Variants in INPP5A observed in about 807,000 individuals in gnomAD.
INPP5A encodes inositol polyphosphate-5-phosphatase A, also known as 43 kDa inositol polyphosphate 5-phophatase.
A neutral mutation model predicts 65.2 loss-of-function variants in INPP5A; 14 were observed. The observed-to-expected ratio is 0.21, with a 90% CI of 0.14 to 0.34. The LOEUF is 0.34. Ranked by LOEUF, INPP5A falls within the 10% of genes least tolerant of loss-of-function variation. The pLI is 1.00. For missense variants in INPP5A, 431 were observed against 545.6 expected (o/e 0.79, Z 2.09); for synonymous variants, 207 against 208.3 (o/e 0.99, Z 0.05).
rs1564929084 is a variant in INPP5A, at chr10:132,596,953, A to ACATGTGTGCGTGTGTGCG, written c.76-10960_76-10959insTGTGTGCGTGTGTGCGCA. On this transcript the variant is annotated intron_variant, in intron 1 of 15. Transcript: ENST00000368594. ...TGTGCACGCATGTGTGCGTGTGTGC[A>ACATGTGTGCGTGTGTGCG]CACATGTGTGCGTGTGTGCATGCGT... Among the ~76,000 whole-genome samples the ACATGTGTGCGTGTGTGCG allele has an allele frequency of 9.4e-3, 1,107 of 118,306 alleles. 1 individual carries two copies. Among genetic ancestry groups the ACATGTGTGCGTGTGTGCG allele is most frequent in the South Asian group, 0.015 (53 of 3,572 alleles). 77.6% of individuals were successfully genotyped at this position (118,306 alleles called of 152,430 possible).
chr10:132,613,938 G>A (rs1319187208), intron 2 of INPP5A, among the ~76,000 whole-genome samples: 1 of 152,238 alleles, frequency 6.6e-6, no homozygotes, highest in South Asian at 2.1e-4. Context: ...CCTTGAAGAA[G>A]TGGCTTTTAT....
At position 132,777,740 on chromosome 10, in the gene INPP5A, C is replaced by T. The variant is rs1304089822; in HGVS notation, c.1047C>T (p.Asp349=). 2 of 1,613,002 alleles carry T rather than the reference C, an allele frequency of 1.2e-6. No individual in the cohort carries two copies. Among genetic ancestry groups the T allele is most frequent in the Non-Finnish European group, 1.7e-6 (2 of 1,180,014 alleles). Residue 349 remains aspartate (D), a synonymous_variant, in exon 13 of 16, where the codon GAC becomes GAT. Transcript: ENST00000368594. The part of the protein sequence containing the change: ...YMNTRCPAWC[D]RILMSPSAKE... Reference sequence around the variant, plus strand: ...ACACCCGGTGCCCAGCCTGGTGTGACCGCATCCTCATGTCCCCGTCTGCCA... The same window carrying T: ...ACACCCGGTGCCCAGCCTGGTGTGATCGCATCCTCATGTCCCCGTCTGCCA...
intron 1 of INPP5A, among the ~76,000 whole-genome samples, chr10:132,571,629 T>C (rs2071342473): frequency 6.6e-6 from 1 of 152,258 alleles, no homozygotes; most frequent in South Asian, 2.1e-4. Context: ...TCTCTAGGTA[T>C]GTCAGCCCTG....
intron 4 of INPP5A, among the ~76,000 whole-genome samples, chr10:132,653,707 C>T (rs1331931726): frequency 6.6e-6 from 1 of 152,096 alleles, no homozygotes; most frequent in African/African-American, 2.4e-5. Context: ...GTTAATAATC[C>T]CAAGTCAAAG....
chr10:132,575,579 C>A lies in INPP5A; in HGVS notation c.76-32336C>A, dbSNP rs1355284015. 6.6e-6 allele frequency among the ~76,000 whole-genome samples: 1 copy of A among 152,206 alleles called. No homozygotes were observed. The highest frequency in any genetic ancestry group is 2.4e-5 in the African/African-American group (1 of 41,452). ...CCTACTTCCCTAACCCAACCACAAG[C>A]AGCGGAGCCAGTTATTTCTTGGCTT... On this transcript the variant is annotated intron_variant, in intron 1 of 15. Coordinates refer to ENST00000368594, the MANE Select transcript of INPP5A (RefSeq NM_005539.5). This position sits in a 1 kb window ranked among gnomAD's most constrained non-coding sequence, Gnocchi z 5.4.
Position 132,645,983 on chromosome 10 carries a change from A to G in INPP5A, c.218+15A>G. The G allele has an allele frequency of 6.3e-7, 1 of 1,579,378 alleles. No homozygotes were observed. The highest frequency in any genetic ancestry group is 8.7e-7 in the Non-Finnish European group (1 of 1,149,336). The stretch of plus-strand genomic sequence containing the variant: ...AAGTTCGTCAAGTAAGTCTAGGGGC[A>G]GGTGCTGGTGCATGTCCACTTCCCA... On this transcript the variant is annotated intron_variant, in intron 3 of 15. Transcript: ENST00000368594.
rs796375256 is a variant in INPP5A, at chr10:132,753,355, G to A, written c.903+3510G>A. ...CTCCGTCCGCAGGATGGATGTGCCT[G>A]CGCCGGTCGCAGCCCCAAGTCCATT... On this transcript the variant is annotated intron_variant, in intron 11 of 15. Transcript: ENST00000368594. The surrounding 1 kb of genome is among the most constrained non-coding windows in gnomAD (Gnocchi z 5.3). 6.6e-6 allele frequency among the ~76,000 whole-genome samples: 1 copy of A among 152,214 alleles called. No homozygotes were observed. Among genetic ancestry groups the A allele is most frequent in the African/African-American group, 2.4e-5 (1 of 41,464 alleles).
At chr10:132,596,619 A>G (rs1005345626) in intron 1 of INPP5A, among the ~76,000 whole-genome samples, 13 of 152,200 alleles carry the variant, frequency 8.5e-5, no homozygotes, top group African/African-American at 1.2e-4. Context: ...TAGTAGAGAC[A>G]GGGTTTCACT....
chr10:132,764,978 G>A (rs1186792936), intron 11 of INPP5A, among the ~76,000 whole-genome samples: 2 of 138,302 alleles, frequency 1.4e-5, no homozygotes, highest in Admixed American at 7.0e-5. Flanking sequence ...GTCCTGCTGC[G>A]GTGGGAGGGT....
chr10:132,538,037 C>T lies in INPP5A; in HGVS notation c.-60C>T, dbSNP rs1201119758. The T allele has an allele frequency of 4.6e-6, 4 of 865,670 alleles. No individual in the cohort carries two copies. Among genetic ancestry groups the T allele is most frequent in the Non-Finnish European group, 5.6e-6 (4 of 718,380 alleles). The allele number at this position is 865,670 out of a possible 1,614,324, so 53.6% of individuals were successfully genotyped here. On this transcript the variant is annotated 5_prime_UTR_variant, in exon 1 of 16. Transcript: ENST00000368594. The surrounding 1 kb of genome is among the most constrained non-coding windows in gnomAD (Gnocchi z 4.1). ...CCCGCGAAGACCCCGGCCGGCCGGTCCCGGAGGAAGCGGCCGCCGCCGCCG... is the reference window on the plus strand; with the variant it reads ...CCCGCGAAGACCCCGGCCGGCCGGTTCCGGAGGAAGCGGCCGCCGCCGCCG...
At chr10:132,592,182 T>C (rs936549596) in intron 1 of INPP5A, among the ~76,000 whole-genome samples, 3 of 151,936 alleles carry the variant, frequency 2.0e-5, no homozygotes, top group Admixed American at 1.3e-4. Context: ...AGACAGCAAA[T>C]TAAGGAAATG....
At chr10:132,721,873 T>G (rs552621193) in intron 8 of INPP5A, among the ~76,000 whole-genome samples, 23 of 152,292 alleles carry the variant, frequency 1.5e-4, no homozygotes, top group African/African-American at 5.5e-4. Flanking sequence ...AGATTCACCC[T>G]GAGGGCTTGA....
In INPP5A at chr10:132,676,302, G is replaced by A. The variant is rs911060142; in HGVS notation, c.307-14090G>A. On this transcript the variant is annotated intron_variant, in intron 4 of 15. Coordinates refer to ENST00000368594, the MANE Select transcript of INPP5A (RefSeq NM_005539.5). This position sits in a 1 kb window ranked among gnomAD's most constrained non-coding sequence, Gnocchi z 4.0. ...GAAACTAGGTTCCTCACACAGCCTC[G>A]TTTTTCATGAGACCTGCGGAAAGGC... Among the ~76,000 whole-genome samples the A allele has an allele frequency of 6.6e-6, 1 of 152,132 alleles. No individual in the cohort carries two copies. Among genetic ancestry groups the A allele is most frequent in the Non-Finnish European group, 1.5e-5 (1 of 68,030 alleles).
intron 4 of INPP5A, among the ~76,000 whole-genome samples, chr10:132,654,935 A>C (rs984130763): frequency 6.6e-6 from 1 of 152,302 alleles, no homozygotes; most frequent in East Asian, 1.9e-4. Flanking sequence ...TTCCTACCGG[A>C]GATGATCAGA....
chr10:132,685,682 G>C (rs1012740659), intron 4 of INPP5A, among the ~76,000 whole-genome samples: 1 of 152,190 alleles, frequency 6.6e-6, no homozygotes, highest in Non-Finnish European at 1.5e-5. Context: ...GAGTCATCCC[G>C]AGCCTTCCAG....
At chr10:132,569,224 T>C (rs2133281385) in intron 1 of INPP5A, among the ~76,000 whole-genome samples, 1 of 152,270 alleles carries the variant, frequency 6.6e-6, no homozygotes, top group South Asian at 2.1e-4. Context: ...TTCTACATGT[T>C]TTTCTTTTGG....
At chr10:132,732,035 C>G (rs905537470) in intron 9 of INPP5A, among the ~76,000 whole-genome samples, 1 of 152,236 alleles carries the variant, frequency 6.6e-6, no homozygotes, top group African/African-American at 2.4e-5. Context: ...AGTGGCAATG[C>G]AGATTCCTGG....
chr10:132,710,492 A>T (rs923252615), intron 8 of INPP5A, 36 bp downstream of exon 8: 1 of 1,599,428 alleles, frequency 6.3e-7, no homozygotes, highest in African/African-American at 1.4e-5. Flanking sequence ...TGGGCCGGGC[A>T]AGTAGGTGTG....
rs2072766315 is a variant in INPP5A, at chr10:132,663,732, T to A, written c.306+13227T>A. ...TGACTTTGGGTCATTGCGCTTTCCT[T>A]GCCTTTTGGGGAGGGTCCCTGGTGC... On this transcript the variant is annotated intron_variant, in intron 4 of 15. Transcript: ENST00000368594. This position sits in a 1 kb window ranked among gnomAD's most constrained non-coding sequence, Gnocchi z 4.5. Among the ~76,000 whole-genome samples the A allele has an allele frequency of 6.6e-6, 1 of 152,166 alleles. No homozygotes were observed. Among genetic ancestry groups the A allele is most frequent in the Admixed American group, 6.5e-5 (1 of 15,270 alleles).
Sources: allele counts gnomAD v4.1 joint callset (sites outside exome capture counted in the v4.1 genomes callset), GRCh38; gene constraint gnomAD v4.1.1; non-coding constraint Gnocchi (gnomAD v3.1); transcripts MANE v1.5; gene names NCBI Gene and HGNC (gene_info 2026-07-23, HGNC 2026-07-21).